MROH2B: variants seen among roughly 807,000 people sequenced by gnomAD.
MROH2B encodes maestro heat like repeat family member 2B, also known as maestro heat-like repeat-containing protein family member 2B.
MROH2B carries 177 observed loss-of-function variants against 208.6 expected under a neutral mutation model. The observed-to-expected ratio is 0.85, with a 90% CI of 0.75 to 0.96. The LOEUF is 0.96. Among genes scored for constraint, MROH2B ranks in the 40% least tolerant of loss-of-function variants. MROH2B has a pLI of 0.00. For missense variants in MROH2B, 2,002 were observed against 1,878.7 expected, an observed-to-expected ratio of 1.07 and a Z score of -1.21; for synonymous variants, 728 against 659.0, an observed-to-expected ratio of 1.10 and a Z score of -1.60.
intron 24 of MROH2B, among the ~76,000 whole-genome samples, chr5:41,019,584 G>T (rs541332545): frequency 1.3e-5 from 2 of 152,124 alleles, no homozygotes; most frequent in Non-Finnish European, 2.9e-5. Flanking sequence ...ATATGAAAAA[G>T]TCTAGATATG....
At position 41,057,851 on chromosome 5, in the gene MROH2B, G is replaced by T. The variant is rs185052801; in HGVS notation, c.756+212C>A. ...TGAAATTACAGTTGTGAGCCACTGA[G>T]CCAGGCCCAGAATGAACGTTCTTAA... is the stretch of plus-strand genomic sequence containing the variant. On this transcript the variant is annotated intron_variant, in intron 7 of 41. Coordinates refer to ENST00000399564, the MANE Select transcript of MROH2B (RefSeq NM_173489.5). Among the ~76,000 whole-genome samples the T allele has an allele frequency of 1.2e-3, 182 of 152,098 alleles. 2 individuals carry two copies. The highest frequency in any genetic ancestry group is 0.01 in the Middle Eastern group (3 of 292).
rs200631985 is a variant in MROH2B, at chr5:41,042,172, A to C, written c.1873T>G (p.Cys625Gly). The change falls in exon 19 of 42, where the codon TGC becomes GGC. Residue 625 changes from cysteine (C) to glycine (G), a missense_variant. Transcript: ENST00000399564. ...LWKALGTTLACCQDSDFVNSQ... is the reference protein window; with the variant it reads ...LWKALGTTLAGCQDSDFVNSQ... ...TTTACAAAGTCTGAATCTTGGCAGCATGCTAAGGTGGTTCCCAAGGCTTTC... is the reference window on the plus strand; with the variant it reads ...TTTACAAAGTCTGAATCTTGGCAGCCTGCTAAGGTGGTTCCCAAGGCTTTC... 175 of 1,591,628 alleles carry C rather than the reference A, an allele frequency of 1.1e-4. No homozygotes were observed. Among genetic ancestry groups the C allele is most frequent in the Non-Finnish European group, 1.5e-4 (170 of 1,167,912 alleles).
intron 17 of MROH2B, among the ~76,000 whole-genome samples, chr5:41,047,254 G>A (rs563401219): frequency 6.6e-6 from 1 of 152,234 alleles, no homozygotes; most frequent in East Asian, 1.9e-4. Flanking sequence ...GGTGAGAGAG[G>A]AAATTCGTTT....
chr5:41,009,283 A>C lies in MROH2B; in HGVS notation c.3417T>G (p.Ile1139Met). 6.2e-7 allele frequency: 1 copy of C among 1,613,808 alleles called. No homozygotes were observed. Among genetic ancestry groups the C allele is most frequent in the Non-Finnish European group, 8.5e-7 (1 of 1,179,770 alleles). ...LEDDIARVEA[I>M]SVACAMYEVI... ...GGGTTCAGGCTGTCCAACTCACTGA[A>C]ATTGCCTCAACCCTGGCGATGTCAT... The change falls in exon 32 of 42, where the codon ATT (isoleucine) becomes ATG (methionine). Residue 1139 changes from isoleucine (I) to methionine (M), a missense_variant. By Grantham distance (10) the Ile-to-Met change is conservative. Coordinates refer to ENST00000399564, the MANE Select transcript of MROH2B (RefSeq NM_173489.5).
rs548918665 is a variant in MROH2B, at chr5:41,040,251, T to C, written c.1954-696A>G. 7.2e-5 allele frequency among the ~76,000 whole-genome samples: 11 copies of C among 152,312 alleles called. No homozygotes were observed. The South Asian group carries it at 2.3e-3, about 32-fold the overall frequency. Reference sequence around the variant, plus strand: ...AGGTTAAATTTCTGAAAGTTGGCAGTTCTTGTTTCACACTCTGAGGTTATA... The same window carrying C: ...AGGTTAAATTTCTGAAAGTTGGCAGCTCTTGTTTCACACTCTGAGGTTATA... On this transcript the variant is annotated intron_variant, in intron 19 of 41. Coordinates refer to ENST00000399564, the MANE Select transcript of MROH2B (RefSeq NM_173489.5).
intron 21 of MROH2B, among the ~76,000 whole-genome samples, chr5:41,037,496 T>C (rs1374424700): frequency 6.6e-6 from 1 of 152,196 alleles, no homozygotes; most frequent in Non-Finnish European, 1.5e-5. Flanking sequence ...CAGGCAATTC[T>C]TATGCAACTA....
chr5:41,054,658 C>T (rs1160849374), intron 11 of MROH2B, 109 bp downstream of exon 11: 1 of 752,938 alleles, frequency 1.3e-6, no homozygotes, highest in Non-Finnish European at 2.0e-6. Flanking sequence ...ATGGAATTGA[C>T]CACAGAGTTC....
Position 41,061,603 on chromosome 5 carries a change from CATT to C in MROH2B, c.579_581del (p.Ile193del), listed in dbSNP as rs1561307205. The C allele has an allele frequency of 1.9e-6, 3 of 1,613,732 alleles. No individual in the cohort carries two copies. In the South Asian group the frequency reaches 3.3e-5, roughly 18 times the overall value. ...GTGAGGCCAAAGGGGCCCACTTCTCCATTATATACCAGAACAGCATGAAGATCT... is the reference window on the plus strand; with the variant it reads ...GTGAGGCCAAAGGGGCCCACTTCTCCATATACCAGAACAGCATGAAGATCT... On this transcript the variant is annotated inframe_deletion, in exon 6 of 42. Coordinates refer to ENST00000399564, the MANE Select transcript of MROH2B (RefSeq NM_173489.5).
At chr5:41,009,152 G>T in intron 32 of MROH2B, 128 bp downstream of exon 32, 1 of 1,291,790 alleles carries the variant, frequency 7.7e-7, no homozygotes, top group East Asian at 2.3e-5. Flanking sequence ...ACTATAAACT[G>T]GAGTAAAGTT....
chr5:41,046,271 T>G lies in MROH2B; in HGVS notation c.1729-418A>C, dbSNP rs111846175. ...CCAAACACGATGGAGATTTTTGGAATCAAGAATTAAATGTCTTAAAGAACA... is the reference window on the plus strand; with the variant it reads ...CCAAACACGATGGAGATTTTTGGAAGCAAGAATTAAATGTCTTAAAGAACA... On this transcript the variant is annotated intron_variant, in intron 17 of 41. Coordinates refer to ENST00000399564, the MANE Select transcript of MROH2B (RefSeq NM_173489.5). 5.3e-5 allele frequency among the ~76,000 whole-genome samples: 8 copies of G among 151,530 alleles called. 1 individual carries two copies. The highest frequency in any genetic ancestry group is 1.9e-4 in the African/African-American group (8 of 41,426).
Position 41,064,367 on chromosome 5 carries a change from A to G in MROH2B, c.460+105T>C, listed in dbSNP as rs1249092530. The stretch of plus-strand genomic sequence containing the variant: ...CAATAAGTGGCAGCTATTATTATTC[A>G]AAAGGACAAGATTGGAGTTAAAGGG... On this transcript the variant is annotated intron_variant, in intron 5 of 41. Coordinates refer to ENST00000399564, the MANE Select transcript of MROH2B (RefSeq NM_173489.5). 4.4e-6 allele frequency: 4 copies of G among 908,886 alleles called. No individual in the cohort carries two copies. The African/African-American group carries it at 6.6e-5, about 15-fold the overall frequency. 56.3% of individuals were successfully genotyped at this position (908,886 alleles called of 1,614,324 possible).
intron 33 of MROH2B, among the ~76,000 whole-genome samples, chr5:41,008,149 A>C (rs568602301): frequency 6.6e-6 from 1 of 152,234 alleles, no homozygotes; most frequent in African/African-American, 2.4e-5. Flanking sequence ...TTTAAAGTTT[A>C]AGAAAGCATT....
intron 16 of MROH2B, 186 bp downstream of exon 16, chr5:41,048,138 G>A (rs1743178806): frequency 6.5e-6 from 4 of 616,876 alleles, no homozygotes; most frequent in South Asian, 7.7e-5. Flanking sequence ...TCTTCTTGTA[G>A]TATGAATATT....
Position 41,004,347 on chromosome 5 carries a change from T to C in MROH2B, c.4193A>G (p.Asp1398Gly), listed in dbSNP as rs1409230411. 6.2e-7 allele frequency: 1 copy of C among 1,612,562 alleles called. No individual in the cohort carries two copies. Among genetic ancestry groups the C allele is most frequent in the Admixed American group, 1.7e-5 (1 of 59,708 alleles). Reference protein sequence around the residue: ...IVLQTRTFFEDEQDDVRLTAI... With the variant: ...IVLQTRTFFEGEQDDVRLTAI... ...AAGTTCCTAAACAGGCTCACTTACA[T>C]CTTCAAAGAAGGTCCTTGTTTGCAG... The change falls in exon 37 of 42, where the codon GAT becomes GGT. Residue 1398 changes from aspartate to glycine, a missense_variant and splice_region_variant. Transcript: ENST00000399564.
At chr5:41,012,545 G>A (rs1741806611) in intron 30 of MROH2B, 38 bp downstream of exon 30, 1 of 1,588,962 alleles carries the variant, frequency 6.3e-7, no homozygotes, top group African/African-American at 1.4e-5. Context: ...AGAAGTGATA[G>A]AAATCTGTTC....
At chr5:41,067,253 CT>C in intron 2 of MROH2B, 35 bp from the exon 3 acceptor site, 1 of 1,291,340 alleles carries the variant, frequency 7.7e-7, no homozygotes, top group Non-Finnish European at 1.1e-6. Context: ...AGAAATTTGG[CT>C]TGCAAAAATA....
At chr5:41,024,921 G>A (rs1407278459) in intron 24 of MROH2B, among the ~76,000 whole-genome samples, 1 of 152,200 alleles carries the variant, frequency 6.6e-6, no homozygotes, top group Non-Finnish European at 1.5e-5. Flanking sequence ...TGAAAAACCT[G>A]CTCCTGAGTG....
chr5:41,027,194 T>C (rs1467244874), intron 24 of MROH2B, among the ~76,000 whole-genome samples: 1 of 152,220 alleles, frequency 6.6e-6, no homozygotes, highest in Non-Finnish European at 1.5e-5. Flanking sequence ...AAATGGGATC[T>C]AGTTAAACTA....
intron 21 of MROH2B, 26 bp downstream of exon 21, chr5:41,038,710 G>A (rs777164367): frequency 6.3e-7 from 1 of 1,576,382 alleles, no homozygotes; most frequent in Non-Finnish European, 8.6e-7. Context: ...GCCTAGAAAT[G>A]GAGGCAGCCA....
Sources: gnomAD v4.1 joint callset for allele counts (sites outside exome capture counted in the v4.1 genomes callset) on GRCh38, gnomAD v4.1.1 for gene constraint, MANE v1.5 for transcripts, NCBI Gene and HGNC (gene_info 2026-07-23, HGNC 2026-07-21) for gene names.